Variants in NKAIN1 observed in about 807,000 individuals in gnomAD.
The protein encoded by NKAIN1 is sodium/potassium transporting ATPase interacting 1.
In NKAIN1, 13 loss-of-function variants were observed where a neutral mutation model predicts 31.6. The ratio of observed to expected loss-of-function variants is 0.41; its 90% CI spans 0.27 to 0.65. The LOEUF is 0.65. NKAIN1 is among the 30% of genes least tolerant of loss of function. The probability of loss-of-function intolerance (pLI) is 0.30; values close to 1 mark genes in which losing one functional copy is unlikely to be tolerated. For synonymous variants in NKAIN1, 104 were observed against 109.0 expected, an observed-to-expected ratio of 0.95 and a Z score of 0.28; for missense variants, 193 against 262.2, an observed-to-expected ratio of 0.74 and a Z score of 1.82.
chr1:31,188,333 G>A (rs1645260851), intron 1 of NKAIN1, 146 bp from the exon 2 acceptor site: 2 of 832,996 alleles, frequency 2.4e-6, no homozygotes, highest in East Asian at 5.3e-5. Context: ...ACTACCAAAG[G>A]GATGCTGGGG....
intron 1 of NKAIN1, among the ~76,000 whole-genome samples, chr1:31,235,154 T>C (rs1645685258): frequency 6.6e-6 from 1 of 152,100 alleles, no homozygotes. Context: ...ATGATAATGA[T>C]GATGATGAAG....
At position 31,218,075 on chromosome 1, in the gene NKAIN1, T is replaced by C. The variant is rs1451130978; in HGVS notation, c.54+21419A>G. 1.0e-3 allele frequency among the ~76,000 whole-genome samples: 154 copies of C among 148,108 alleles called. 1 individual carries two copies. Among genetic ancestry groups the C allele is most frequent in the Admixed American group, 3.5e-3 (52 of 14,836 alleles). On this transcript the variant is annotated intron_variant, in intron 1 of 6. Coordinates refer to ENST00000373736, the MANE Select transcript of NKAIN1 (RefSeq NM_024522.3). ...TTCTTTCTTTCTTTCTTTCTTTTTT[T>C]TTTTTGAGATGGAGTCTCGCTCTGT...
intron 1 of NKAIN1, 165 bp from the exon 2 acceptor site, chr1:31,188,352 A>G (rs1645260918): frequency 5.6e-6 from 4 of 713,692 alleles, no homozygotes; most frequent in Non-Finnish European, 9.1e-6. Context: ...GGGGTCCTTA[A>G]GCCTGATCAT....
chr1:31,184,587 G>A (rs897067027), intron 3 of NKAIN1, among the ~76,000 whole-genome samples: 13 of 152,110 alleles, frequency 8.5e-5, no homozygotes, highest in African/African-American at 1.2e-4. Context: ...TACTAGATGA[G>A]GAAACTGGGG....
intron 1 of NKAIN1, among the ~76,000 whole-genome samples, chr1:31,226,122 A>G (rs1645602049): frequency 1.3e-5 from 2 of 152,246 alleles, no homozygotes; most frequent in African/African-American, 4.8e-5. Context: ...ATTGCCAACA[A>G]CCCTGCAAGG....
intron 1 of NKAIN1, among the ~76,000 whole-genome samples, chr1:31,221,438 A>G (rs1645564051): frequency 6.6e-6 from 1 of 151,954 alleles, no homozygotes; most frequent in African/African-American, 2.4e-5. Flanking sequence ...CTGGAAATCC[A>G]TATATATATA....
intron 1 of NKAIN1, among the ~76,000 whole-genome samples, chr1:31,216,685 T>C (rs1229391267): frequency 6.7e-6 from 1 of 149,624 alleles, no homozygotes; most frequent in East Asian, 1.9e-4. Context: ...GCCTGTGGCA[T>C]TGACTTTTAT....
At chr1:31,201,768 G>A (rs966574473) in intron 1 of NKAIN1, among the ~76,000 whole-genome samples, 4 of 152,202 alleles carry the variant, frequency 2.6e-5, no homozygotes, top group Non-Finnish European at 2.9e-5. Flanking sequence ...CCAAACCCTT[G>A]CTCTTTTCCA....
chr1:31,234,771 C>T (rs1645682640), intron 1 of NKAIN1, among the ~76,000 whole-genome samples: 1 of 152,104 alleles, frequency 6.6e-6, no homozygotes, highest in Admixed American at 6.5e-5. Flanking sequence ...TGAGGAAACG[C>T]AGGCTTGGAC....
At chr1:31,212,405 T>TCC (rs200935055) in intron 1 of NKAIN1, among the ~76,000 whole-genome samples, 3 of 80,338 alleles carry the variant, frequency 3.7e-5, no homozygotes. Context: ...ATAGTTTCTT[T>TCC]TTTTTTTTTT....
chr1:31,211,721 G>A (rs567413327), intron 1 of NKAIN1, among the ~76,000 whole-genome samples: 1 of 152,110 alleles, frequency 6.6e-6, no homozygotes, highest in South Asian at 2.1e-4. Flanking sequence ...GGCCAAGGGG[G>A]GTGGATTGCT....
intron 1 of NKAIN1, among the ~76,000 whole-genome samples, chr1:31,230,121 A>G (rs1645634435): frequency 6.6e-6 from 1 of 152,160 alleles, no homozygotes; most frequent in Non-Finnish European, 1.5e-5. Context: ...CCATTCATTG[A>G]GAAAGGGGAG....
chr1:31,226,141 G>A (rs1162317528), intron 1 of NKAIN1, among the ~76,000 whole-genome samples: 1 of 152,262 alleles, frequency 6.6e-6, no homozygotes, highest in Admixed American at 6.5e-5. Context: ...GGAACAGGCT[G>A]TCGCCTTCAT....
At chr1:31,224,667 T>C (rs1442109812) in intron 1 of NKAIN1, among the ~76,000 whole-genome samples, 1 of 152,266 alleles carries the variant, frequency 6.6e-6, no homozygotes, top group Admixed American at 6.5e-5. Context: ...TTGAGGATCA[T>C]GAAGCGTAAG....
chr1:31,233,239 C>T lies in NKAIN1; in HGVS notation c.54+6255G>A, dbSNP rs999620635. 7.9e-5 allele frequency among the ~76,000 whole-genome samples: 12 copies of T among 152,106 alleles called. No homozygotes were observed. Among genetic ancestry groups the T allele is most frequent in the Admixed American group, 7.2e-4 (11 of 15,270 alleles). On this transcript the variant is annotated intron_variant, in intron 1 of 6. Coordinates refer to ENST00000373736, the MANE Select transcript of NKAIN1 (RefSeq NM_024522.3). The surrounding 1 kb of genome is among the most constrained non-coding windows in gnomAD (Gnocchi z 4.0). ...TGCTGGGATTACAGGTGTGAGCTAC[C>T]GCACCCAGCCGTGCATCACAGCTCT...
Position 31,181,634 on chromosome 1 carries a change from C to T in NKAIN1, c.*69G>A. ...GGGCCACCAGGGGGACACGCCTGCG[C>T]CTTGGCCCGAGCTCGCGGCAGCTGC... On this transcript the variant is annotated 3_prime_UTR_variant, in exon 7 of 7. Transcript: ENST00000373736. 1.4e-6 allele frequency: 2 copies of T among 1,414,682 alleles called. No homozygotes were observed. Among genetic ancestry groups the T allele is most frequent in the Non-Finnish European group, 1.9e-6 (2 of 1,073,858 alleles). 87.6% of individuals were successfully genotyped at this position (1,414,682 alleles called of 1,614,324 possible). A position where few individuals can be genotyped will look rare whatever the true frequency, so the allele number is the denominator to read the frequency against.
At chr1:31,207,322 G>A (rs1645432779) in intron 1 of NKAIN1, among the ~76,000 whole-genome samples, 1 of 152,174 alleles carries the variant, frequency 6.6e-6, no homozygotes, top group Non-Finnish European at 1.5e-5. Context: ...AAATGGGGAT[G>A]ATGATAACAG....
At chr1:31,211,356 A>G (rs767093392) in intron 1 of NKAIN1, among the ~76,000 whole-genome samples, 2 of 152,264 alleles carry the variant, frequency 1.3e-5, no homozygotes, top group Non-Finnish European at 2.9e-5. Context: ...ATTTCTACAC[A>G]TTGACAATGA....
chr1:31,202,494 G>A (rs879277475), intron 1 of NKAIN1, among the ~76,000 whole-genome samples: 32 of 151,394 alleles, frequency 2.1e-4, no homozygotes, highest in Non-Finnish European at 4.1e-4. Context: ...TGGCTAACAC[G>A]GTGAAACCCC....
Sources: allele counts gnomAD v4.1 joint callset (sites outside exome capture counted in the v4.1 genomes callset), GRCh38; gene constraint gnomAD v4.1.1; non-coding constraint Gnocchi (gnomAD v3.1); transcripts MANE v1.5; gene names NCBI Gene and HGNC (gene_info 2026-07-23, HGNC 2026-07-21).